The following HSPA12A variants were observed in gnomAD, a reference collection of about 807,000 sequenced individuals.
HSPA12A encodes the protein heat shock protein family A (Hsp70) member 12A, also known as heat shock 70 kDa protein 12A.
Under a neutral mutation model 69.2 loss-of-function variants are expected in HSPA12A, and 28 were observed. The observed-to-expected ratio is 0.40, with a 90% confidence interval of 0.30 to 0.55. The LOEUF (loss-of-function observed/expected upper bound fraction) is 0.55. Among genes scored for constraint, HSPA12A ranks in the 20% least tolerant of loss-of-function variants. The probability of loss-of-function intolerance (pLI) is 0.38; values close to 1 mark genes in which losing one functional copy is unlikely to be tolerated. For missense variants in HSPA12A, 686 were observed against 900.7 expected, an observed-to-expected ratio of 0.76 and a Z score of 3.05; for synonymous variants, 345 against 370.5, an observed-to-expected ratio of 0.93 and a Z score of 0.79.
intron 2 of HSPA12A, among the ~76,000 whole-genome samples, chr10:116,753,309 G>A (rs2133089751): frequency 6.6e-6 from 1 of 152,318 alleles, no homozygotes; most frequent in South Asian, 2.1e-4. Flanking sequence ...CTCTTCCTGG[G>A]TAAGGACCAA....
intron 2 of HSPA12A, chr10:116,830,072 C>T (rs1218890648): frequency 6.6e-6 from 1 of 152,200 alleles, no homozygotes; most frequent in Non-Finnish European, 1.5e-5. Flanking sequence ...CACACAAGAA[C>T]AAAGTAGGAC....
At chr10:116,809,754 T>C (rs1202819622) in intron 2 of HSPA12A, among the ~76,000 whole-genome samples, 1 of 152,226 alleles carries the variant, frequency 6.6e-6, no homozygotes, top group Admixed American at 6.5e-5. Flanking sequence ...TCCCCACTAC[T>C]GCATCTGCTC....
At position 116,789,731 on chromosome 10, in the gene HSPA12A, T is replaced by C. The variant is rs538038888; in HGVS notation, c.91+45204A>G. Among the ~76,000 whole-genome samples, 400 of 152,232 alleles carry C rather than the reference T, an allele frequency of 2.6e-3. 2 individuals are homozygous for C. The highest frequency in any genetic ancestry group is 8.9e-3 in the African/African-American group (368 of 41,534). ...TATTGACTATCAACACGTCGTAGAG[T>C]GAAGCTGACGTGACTGTTCAGTGCC... On this transcript the variant is annotated intron_variant, in intron 2 of 12. Coordinates refer to the HSPA12A transcript ENST00000635765.
chr10:116,713,083 T>A (rs1470751764), intron 1 of HSPA12A, among the ~76,000 whole-genome samples: 2 of 136,152 alleles, frequency 1.5e-5, no homozygotes, highest in Non-Finnish European at 1.5e-5. Context: ...TCAGGCTATT[T>A]AAAAAAAAAA....
chr10:116,771,616 C>T (rs538986990), intron 2 of HSPA12A, among the ~76,000 whole-genome samples: 21 of 152,326 alleles, frequency 1.4e-4, no homozygotes, highest in Middle Eastern at 6.8e-3. Flanking sequence ...ACGGCAATTG[C>T]GAAATTCCAT....
At chr10:116,683,296 G>A (rs573588998) in intron 7 of HSPA12A, among the ~76,000 whole-genome samples, 1 of 152,098 alleles carries the variant, frequency 6.6e-6, no homozygotes, top group Non-Finnish European at 1.5e-5. Context: ...CCCTAAGGCG[G>A]TGCTCCTTCC....
At chr10:116,783,815 G>A (rs2014780) in intron 2 of HSPA12A, among the ~76,000 whole-genome samples, 68,120 of 151,960 alleles carry the variant, frequency 0.45, 15,379 homozygotes, top group East Asian at 0.47. Context: ...CGATTCTCCT[G>A]CCTCAGCTTC....
intron 5 of HSPA12A, chr10:116,698,215 T>C (rs189977965): frequency 1.3e-3 from 202 of 158,684 alleles, no homozygotes; most frequent in Non-Finnish European, 2.1e-3. Context: ...ATGTGGACTG[T>C]TTCTACTTTT....
At chr10:116,735,143 A>T (rs1851276669) in intron 1 of HSPA12A, among the ~76,000 whole-genome samples, 1 of 152,246 alleles carries the variant, frequency 6.6e-6, no homozygotes, top group South Asian at 2.1e-4. Context: ...CAACAAACAA[A>T]TAATTGTAAG....
chr10:116,849,255 G>T (rs1216896111), intron 1 of HSPA12A, among the ~76,000 whole-genome samples: 1 of 152,224 alleles, frequency 6.6e-6, no homozygotes, highest in Non-Finnish European at 1.5e-5. Flanking sequence ...GCTTGATGAG[G>T]TCGTTAAAGA....
chr10:116,681,961 A>T (rs1203560828), intron 7 of HSPA12A, 84 bp from the exon 8 acceptor site: 1 of 1,250,916 alleles, frequency 8.0e-7, no homozygotes, highest in South Asian at 1.2e-5. Context: ...AGGCAATAGC[A>T]TGAGGAGATT....
chr10:116,773,485 C>T (rs1478284970), intron 2 of HSPA12A, among the ~76,000 whole-genome samples: 5 of 152,188 alleles, frequency 3.3e-5, no homozygotes, highest in African/African-American at 4.8e-5. Flanking sequence ...CAGCTCCCAG[C>T]GGGTTTCGAG....
chr10:116,760,767 A>G (rs1316596661), intron 2 of HSPA12A, among the ~76,000 whole-genome samples: 4 of 152,198 alleles, frequency 2.6e-5, no homozygotes, highest in African/African-American at 9.6e-5. Flanking sequence ...TTAATGCCAC[A>G]AAGTGCAAGG....
chr10:116,802,130 C>T (rs952263117), intron 2 of HSPA12A, among the ~76,000 whole-genome samples: 1 of 152,148 alleles, frequency 6.6e-6, no homozygotes, highest in Non-Finnish European at 1.5e-5. Flanking sequence ...CAATTCAATC[C>T]TGGGAGTCCA....
At chr10:116,837,083 A>G (rs182063593) in intron 1 of HSPA12A, among the ~76,000 whole-genome samples, 64 of 152,304 alleles carry the variant, frequency 4.2e-4, no homozygotes, top group Non-Finnish European at 7.8e-4. Flanking sequence ...GCAGTGACAC[A>G]CTGTGGGAAC....
chr10:116,699,799 T>C (rs1048681953), intron 4 of HSPA12A, among the ~76,000 whole-genome samples: 3 of 152,228 alleles, frequency 2.0e-5, no homozygotes, highest in African/African-American at 7.2e-5. Flanking sequence ...ATACTCAGCA[T>C]TGAATCCCAT....
chr10:116,838,426 G>C (rs915792850), intron 1 of HSPA12A, among the ~76,000 whole-genome samples: 4 of 151,114 alleles, frequency 2.6e-5, no homozygotes, highest in Admixed American at 6.6e-5. Flanking sequence ...ATTTCTGGAG[G>C]GGGGGAAAAC....
chr10:116,820,532 T>C (rs1257966819), intron 2 of HSPA12A, among the ~76,000 whole-genome samples: 1 of 152,100 alleles, frequency 6.6e-6, no homozygotes, highest in South Asian at 2.1e-4. Flanking sequence ...CACCACCCTC[T>C]CCTCTTCATT....
chr10:116,780,198 G>A (rs1229752525), intron 2 of HSPA12A, among the ~76,000 whole-genome samples: 1 of 152,182 alleles, frequency 6.6e-6, no homozygotes, highest in Non-Finnish European at 1.5e-5. Context: ...GCTAGTCTAA[G>A]ATCACAAGAG....
Sources: allele counts gnomAD v4.1 joint callset (sites outside exome capture counted in the v4.1 genomes callset), GRCh38; gene constraint gnomAD v4.1.1; transcripts MANE v1.5; gene names NCBI Gene and HGNC (gene_info 2026-07-23, HGNC 2026-07-21).